The following CRYZL1 variants were observed in gnomAD, a reference collection of about 807,000 sequenced individuals.
The protein encoded by CRYZL1 is crystallin zeta like 1, also known as ferry endosomal RAB5 effector complex subunit 4.
A neutral mutation model predicts 50.6 loss-of-function variants in CRYZL1; 34 were observed. The ratio of observed to expected loss-of-function variants is 0.67; its 90% CI spans 0.51 to 0.89. The LOEUF (loss-of-function observed/expected upper bound fraction) is 0.89. CRYZL1 is among the 40% of genes least tolerant of loss of function. The probability of loss-of-function intolerance (pLI) is 0.00; values close to 1 mark genes in which losing one functional copy is unlikely to be tolerated. For missense variants in CRYZL1, 354 were observed against 402.3 expected (o/e 0.88, Z 1.03); for synonymous variants, 125 against 134.3 (o/e 0.93, Z 0.48).
In CRYZL1 at chr21:33,602,295, C is replaced by T; in HGVS notation, c.516G>A (p.Val172=). Residue 172 remains valine, a synonymous_variant, in exon 8 of 13, where the codon GTG becomes GTA. Coordinates refer to ENST00000381554, the MANE Select transcript of CRYZL1 (RefSeq NM_145858.3). The part of the protein sequence containing the change: ...IQLAHHRGAK[V]ISTACSLEDK... ...CTTCAAGGCTGCATGCTGTTGAAATCACTTTGGCTCCTCTATGATGTGCTA... is the reference window on the plus strand; with the variant it reads ...CTTCAAGGCTGCATGCTGTTGAAATTACTTTGGCTCCTCTATGATGTGCTA... 1 of 1,613,194 alleles carries T rather than the reference C, an allele frequency of 6.2e-7. No individual in the cohort carries two copies. Among genetic ancestry groups the T allele is most frequent in the South Asian group, 1.1e-5 (1 of 91,062 alleles).
chr21:33,628,368 T>C (rs1300924536), intron 2 of CRYZL1, among the ~76,000 whole-genome samples: 8 of 152,220 alleles, frequency 5.3e-5, no homozygotes, highest in African/African-American at 1.7e-4. Context: ...GGCATTTTGA[T>C]AGGGATTGAA....
In CRYZL1 at chr21:33,589,934, G is replaced by A; in HGVS notation, c.951-13C>T. On this transcript the variant is annotated splice_polypyrimidine_tract_variant and intron_variant, in intron 12 of 12. Transcript: ENST00000381554. ...ATCCAACTGAGGTCTGAGAAGGAATGAAATTAGAAATGTCAGGTCTAGTTA... is the reference window on the plus strand; with the variant it reads ...ATCCAACTGAGGTCTGAGAAGGAATAAAATTAGAAATGTCAGGTCTAGTTA... 3 of 1,479,348 alleles carry A rather than the reference G, an allele frequency of 2.0e-6. No individual in the cohort carries two copies. In the South Asian group the frequency reaches 3.6e-5, roughly 18 times the overall value. 91.6% of individuals were successfully genotyped at this position (1,479,348 alleles called of 1,614,324 possible).
At chr21:33,624,418 G>A in intron 3 of CRYZL1, among the ~76,000 whole-genome samples, 1 of 152,132 alleles carries the variant, frequency 6.6e-6, no homozygotes, top group South Asian at 2.1e-4. Context: ...GTGTGGTGGT[G>A]CGCTCCTGTG....
At chr21:33,608,000 A>G (rs533388058) in intron 6 of CRYZL1, among the ~76,000 whole-genome samples, 1 of 152,318 alleles carries the variant, frequency 6.6e-6, no homozygotes, top group South Asian at 2.1e-4. Flanking sequence ...TACGAATACA[A>G]TGTGGAATAA....
In CRYZL1 at chr21:33,593,754, G is replaced by A. The variant is rs572155481; in HGVS notation, c.904+1977C>T. Among the ~76,000 whole-genome samples the A allele has an allele frequency of 2.2e-4, 33 of 152,128 alleles. No individual in the cohort carries two copies. In the South Asian group the frequency reaches 2.5e-3, roughly 11 times the overall value. ...TCCCAGCACTTTGGGAGGCTGAGGC[G>A]TGTGGATCACCTGAGGTTAGGCGTT... On this transcript the variant is annotated intron_variant, in intron 11 of 12. Coordinates refer to ENST00000381554, the MANE Select transcript of CRYZL1 (RefSeq NM_145858.3).
chr21:33,616,019 G>A (rs2086926534), intron 5 of CRYZL1, among the ~76,000 whole-genome samples: 1 of 152,094 alleles, frequency 6.6e-6, no homozygotes, highest in Non-Finnish European at 1.5e-5. Context: ...CCATGCTGGT[G>A]CGCTGCACCC....
chr21:33,590,734 T>C (rs1332091136), intron 12 of CRYZL1, among the ~76,000 whole-genome samples: 1 of 152,242 alleles, frequency 6.6e-6, no homozygotes, highest in Non-Finnish European at 1.5e-5. Flanking sequence ...CTTTTATAAC[T>C]GATAAACATA....
At chr21:33,589,987 T>C in intron 12 of CRYZL1, 66 bp from the exon 13 acceptor site, 1 of 890,216 alleles carries the variant, frequency 1.1e-6, no homozygotes. Flanking sequence ...CAGGGTGGTA[T>C]ATGACAAATG....
intron 1 of CRYZL1, among the ~76,000 whole-genome samples, chr21:33,632,188 C>T (rs957191085): frequency 8.7e-5 from 13 of 149,658 alleles, no homozygotes; most frequent in Admixed American, 8.7e-4. Flanking sequence ...AAAAATTAGC[C>T]AGGTGTGGCG....
At chr21:33,598,032 CATTT>C (rs1467012672) in intron 9 of CRYZL1, among the ~76,000 whole-genome samples, 1 of 152,106 alleles carries the variant, frequency 6.6e-6, no homozygotes, top group Admixed American at 6.5e-5. Context: ...ATTTATTCAA[CATTT>C]AATTGTAATT....
chr21:33,590,326 T>A (rs1464138209), intron 12 of CRYZL1, among the ~76,000 whole-genome samples: 1 of 152,190 alleles, frequency 6.6e-6, no homozygotes, highest in East Asian at 1.9e-4. Context: ...CTCAAATCTA[T>A]TACTTTAAGT....
At chr21:33,636,228 C>T (rs2087205143) in intron 1 of CRYZL1, among the ~76,000 whole-genome samples, 1 of 152,040 alleles carries the variant, frequency 6.6e-6, no homozygotes, top group Admixed American at 6.6e-5. Flanking sequence ...GACCCTGTCT[C>T]TTAAAATACA....
chr21:33,622,107 A>G, intron 3 of CRYZL1, 39 bp from the exon 4 acceptor site: 1 of 1,511,338 alleles, frequency 6.6e-7, no homozygotes, highest in Non-Finnish European at 9.2e-7. Context: ...CTATTGTCAG[A>G]AGAAATCCTG....
intron 3 of CRYZL1, among the ~76,000 whole-genome samples, chr21:33,623,429 A>G (rs1428062536): frequency 6.6e-6 from 1 of 152,158 alleles, no homozygotes; most frequent in Non-Finnish European, 1.5e-5. Context: ...ATTTTACTAT[A>G]ATTTACTATT....
chr21:33,596,944 C>A (rs1303028065), intron 10 of CRYZL1, among the ~76,000 whole-genome samples: 2 of 151,020 alleles, frequency 1.3e-5, no homozygotes, highest in Non-Finnish European at 2.9e-5. Flanking sequence ...CTCACTACAA[C>A]CTCCGCTTCC....
rs2087351831 is a variant in CRYZL1 at position 33,641,698 on chromosome 21, C to G, written c.-24G>C. On this transcript the variant is annotated 5_prime_UTR_variant, in exon 1 of 13. Transcript: ENST00000381554. The stretch of plus-strand genomic sequence containing the variant: ...GGGCTCACCTGCCTCTGAGCCGCCC[C>G]AACGGCCTGCACCTTCACCACCGCC... 1 of 167,864 alleles carries G rather than the reference C, an allele frequency of 6.0e-6. No homozygotes were observed. The allele number at this position is 167,864 out of a possible 1,614,324, so 10.4% of individuals were successfully genotyped here. A position where few individuals can be genotyped will look rare whatever the true frequency, so the allele number is the denominator to read the frequency against.
intron 1 of CRYZL1, among the ~76,000 whole-genome samples, chr21:33,640,523 A>G (rs2087272415): frequency 2.6e-5 from 4 of 152,118 alleles, no homozygotes; most frequent in Admixed American, 2.0e-4. Flanking sequence ...GAGGGTTGCC[A>G]TAAGGATTAA....
At chr21:33,618,123 A>G (rs902854076) in intron 4 of CRYZL1, among the ~76,000 whole-genome samples, 6 of 151,526 alleles carry the variant, frequency 4.0e-5, no homozygotes, top group African/African-American at 1.5e-4. Context: ...CCCCATCTCT[A>G]CTAAAAATAC....
chr21:33,638,210 CTTT>C (rs569863892), intron 1 of CRYZL1, among the ~76,000 whole-genome samples: 1 of 126,802 alleles, frequency 7.9e-6, no homozygotes, highest in African/African-American at 3.1e-5. Context: ...GTCAGGTCTG[CTTT>C]TTTTTTTTTT....
Sources: gnomAD v4.1 joint callset for allele counts (sites outside exome capture counted in the v4.1 genomes callset) on GRCh38, gnomAD v4.1.1 for gene constraint, MANE v1.5 for transcripts, NCBI Gene and HGNC (gene_info 2026-07-23, HGNC 2026-07-21) for gene names.